Variants in PACRG observed in about 807,000 individuals in gnomAD.
The protein encoded by PACRG is parkin coregulated, also known as parkin coregulated gene protein.
A neutral mutation model predicts 29.7 loss-of-function variants in PACRG; 29 were observed. That is an observed-to-expected ratio of 0.98 (90% CI 0.73 to 1.33). The LOEUF is 1.33. Ranked by LOEUF, PACRG falls within the 40% of genes most tolerant of loss-of-function variation. The pLI is 0.00. For missense variants in PACRG, 279 were observed against 316.2 expected (o/e 0.88, Z 0.89); for synonymous variants, 116 against 118.7 (o/e 0.98, Z 0.15).
At chr6:162,991,992 G>T (rs1401878989) in intron 2 of PACRG, among the ~76,000 whole-genome samples, 1 of 131,282 alleles carries the variant, frequency 7.6e-6, no homozygotes, top group East Asian at 2.1e-4. Flanking sequence ...CATCTATTGA[G>T]ATAATCATGT....
chr6:163,167,698 T>G (rs1421793277), intron 4 of PACRG, among the ~76,000 whole-genome samples: 3 of 152,232 alleles, frequency 2.0e-5, no homozygotes, highest in Non-Finnish European at 4.4e-5. Flanking sequence ...AAATAGAAAT[T>G]TTAGTTTGTC....
chr6:162,820,815 G>C (rs142052854), intron 2 of PACRG, among the ~76,000 whole-genome samples: 79 of 152,252 alleles, frequency 5.2e-4, no homozygotes, highest in African/African-American at 1.8e-3. Context: ...GCCAAAGCTT[G>C]AGTTTGGATA....
chr6:163,055,357 C>T lies in PACRG; in HGVS notation c.292-6793C>T, dbSNP rs143362634. On this transcript the variant is annotated intron_variant, in intron 2 of 4. Transcript: ENST00000366888. This position sits in a 1 kb window ranked among gnomAD's most constrained non-coding sequence, Gnocchi z 4.0. ...ACACACACATGCACACACACACGCA[C>T]ACACACGCACACATATACACACATG... Among the ~76,000 whole-genome samples, 119 of 151,980 alleles carry T rather than the reference C, an allele frequency of 7.8e-4. 2 individuals carry two copies. The East Asian group carries it at 0.013, about 16-fold the overall frequency.
At chr6:162,838,356 G>A (rs776263500) in intron 2 of PACRG, among the ~76,000 whole-genome samples, 4 of 152,070 alleles carry the variant, frequency 2.6e-5, no homozygotes, top group Non-Finnish European at 5.9e-5. Context: ...CCATACATGT[G>A]GGAGGAGAAC....
At chr6:163,261,654 T>C (rs1190150854) in intron 4 of PACRG, among the ~76,000 whole-genome samples, 1 of 152,196 alleles carries the variant, frequency 6.6e-6, no homozygotes, top group Non-Finnish European at 1.5e-5. Context: ...GGGCTCCACA[T>C]CTGTGGATTT....
At chr6:162,728,683 A>T (rs979120919) in intron 1 of PACRG, among the ~76,000 whole-genome samples, 4 of 152,142 alleles carry the variant, frequency 2.6e-5, no homozygotes, top group Non-Finnish European at 5.9e-5. Context: ...AGGAAAAAAG[A>T]TCCCCTTTAC....
Position 162,858,554 on chromosome 6 carries a change from G to A in PACRG, c.291+44273G>A, listed in dbSNP as rs182140061. 8.3e-4 allele frequency among the ~76,000 whole-genome samples: 127 copies of A among 152,258 alleles called. 1 individual carries two copies. Among genetic ancestry groups the A allele is most frequent in the African/African-American group, 3.0e-3 (123 of 41,536 alleles). ...TCGTGGCTGAGAACCTTAGAGCAAA[G>A]GACAGAGTAACAAGAGAAAAACATC... On this transcript the variant is annotated intron_variant, in intron 2 of 4. Transcript: ENST00000366888.
At chr6:163,228,766 GCA>G (rs1366861104) in intron 4 of PACRG, among the ~76,000 whole-genome samples, 5 of 152,178 alleles carry the variant, frequency 3.3e-5, no homozygotes, top group African/African-American at 7.2e-5. Context: ...TGATTCTCTA[GCA>G]CAGTGACCAA....
intron 4 of PACRG, among the ~76,000 whole-genome samples, chr6:163,290,792 A>G (rs1784573142): frequency 1.3e-5 from 2 of 152,152 alleles, no homozygotes; most frequent in South Asian, 4.1e-4. Flanking sequence ...CTTCCACACA[A>G]TGGTCACTTA....
intron 4 of PACRG, among the ~76,000 whole-genome samples, chr6:163,123,099 AC>A (rs1585241942): frequency 6.6e-6 from 1 of 152,014 alleles, no homozygotes; most frequent in South Asian, 2.1e-4. Context: ...ACGGAGAAAA[AC>A]CCCGTGTGCC....
chr6:162,747,936 A>G (rs994903334), intron 1 of PACRG, among the ~76,000 whole-genome samples: 1 of 152,176 alleles, frequency 6.6e-6, no homozygotes, highest in African/African-American at 2.4e-5. Context: ...AAGGGAGAAC[A>G]TTCTGGAGTG....
chr6:162,888,513 G>A (rs768179870), intron 2 of PACRG, among the ~76,000 whole-genome samples: 48 of 152,298 alleles, frequency 3.2e-4, no homozygotes, highest in Admixed American at 6.5e-4. Flanking sequence ...GCCAAGCCCT[G>A]CTGGCTGGCA....
Position 162,727,976 on chromosome 6 carries a change from T to G in PACRG, c.-260T>G. ...TGCGCCCGCCGTGTTGACCAGTCGC[T>G]TAGCAACCGGGAGGCTTACCTTTGG... On this transcript the variant is annotated 5_prime_UTR_variant, in exon 1 of 5. Transcript: ENST00000366888. The G allele has an allele frequency of 1.7e-6, 1 of 603,042 alleles. No homozygotes were observed. 37.4% of individuals were successfully genotyped at this position (603,042 alleles called of 1,614,324 possible). A position where few individuals can be genotyped will look rare whatever the true frequency, so the allele number is the denominator to read the frequency against.
chr6:162,804,994 A>G (rs1345029956), intron 1 of PACRG, among the ~76,000 whole-genome samples: 2 of 152,198 alleles, frequency 1.3e-5, no homozygotes, highest in Non-Finnish European at 2.9e-5. Context: ...TCAGACCTGT[A>G]CAAGATGTTA....
At chr6:163,017,263 G>C (rs1245142447) in intron 2 of PACRG, among the ~76,000 whole-genome samples, 4 of 152,120 alleles carry the variant, frequency 2.6e-5, no homozygotes, top group Non-Finnish European at 5.9e-5. Flanking sequence ...CGTGGGGGGA[G>C]ATACAGCTCC....
At chr6:162,804,407 G>A (rs1164376489) in intron 1 of PACRG, among the ~76,000 whole-genome samples, 1 of 152,154 alleles carries the variant, frequency 6.6e-6, no homozygotes, top group Non-Finnish European at 1.5e-5. Flanking sequence ...GAGACAAAGA[G>A]ATTGGGGGTT....
At position 162,746,181 on chromosome 6, in the gene PACRG, A is replaced by T. The variant is rs190904122; in HGVS notation, c.156+17790A>T. 3.3e-3 allele frequency among the ~76,000 whole-genome samples: 495 copies of T among 152,304 alleles called. 3 individuals carry two copies. The highest frequency in any genetic ancestry group is 0.012 in the African/African-American group (485 of 41,574). Reference sequence around the variant, plus strand: ...ATATTTCACAGGTTGTCTATTCTAAATTAAAGTAGCTATGAATAAATAGTC... The same window carrying T: ...ATATTTCACAGGTTGTCTATTCTAATTTAAAGTAGCTATGAATAAATAGTC... On this transcript the variant is annotated intron_variant, in intron 1 of 4. Coordinates refer to ENST00000366888, the MANE Select transcript of PACRG (RefSeq NM_001080379.2).
intron 2 of PACRG, among the ~76,000 whole-genome samples, chr6:162,965,534 A>G (rs991118297): frequency 3.3e-5 from 5 of 152,170 alleles, no homozygotes; most frequent in Non-Finnish European, 4.4e-5. Flanking sequence ...TAAGGGGACT[A>G]ATCCCATTCA....
chr6:162,984,025 A>AT (rs35972956), intron 2 of PACRG, among the ~76,000 whole-genome samples: 2 of 150,514 alleles, frequency 1.3e-5, no homozygotes, highest in South Asian at 4.2e-4. Flanking sequence ...TTCTTTAAAA[A>AT]TTTTTTTTAT....
Sources: allele counts gnomAD v4.1 joint callset (sites outside exome capture counted in the v4.1 genomes callset), GRCh38; gene constraint gnomAD v4.1.1; non-coding constraint Gnocchi (gnomAD v3.1); transcripts MANE v1.5; gene names NCBI Gene and HGNC (gene_info 2026-07-23, HGNC 2026-07-21).